Variants in FNBP1 observed in about 807,000 individuals in gnomAD.
FNBP1 encodes formin-binding protein 1.
In FNBP1, 26 loss-of-function variants were observed where a neutral mutation model predicts 90.6. The observed-to-expected ratio is 0.29, with a 90% CI of 0.21 to 0.40. The LOEUF (loss-of-function observed/expected upper bound fraction) is 0.40. Among genes scored for constraint, FNBP1 ranks in the 10% least tolerant of loss-of-function variants. The pLI is 1.00. For synonymous variants in FNBP1, 260 were observed against 265.2 expected, an observed-to-expected ratio of 0.98 and a Z score of 0.19; for missense variants, 635 against 768.0, an observed-to-expected ratio of 0.83 and a Z score of 2.05.
chr9:130,014,981 A>G (rs887329006), intron 1 of FNBP1, among the ~76,000 whole-genome samples: 2 of 152,128 alleles, frequency 1.3e-5, no homozygotes, highest in Non-Finnish European at 2.9e-5. Flanking sequence ...TCTTAAAAAA[A>G]AAAAAAATCC....
chr9:129,975,675 G>T (rs2050189371), intron 4 of FNBP1, among the ~76,000 whole-genome samples: 1 of 152,096 alleles, frequency 6.6e-6, no homozygotes, highest in Non-Finnish European at 1.5e-5. Context: ...GCCAAGACGG[G>T]TGGATCATTT....
At chr9:130,000,261 C>T (rs947067276) in intron 1 of FNBP1, among the ~76,000 whole-genome samples, 2 of 152,190 alleles carry the variant, frequency 1.3e-5, no homozygotes, top group African/African-American at 4.8e-5. Context: ...GAGGCAGAAG[C>T]AGGCGGGTCG....
At chr9:130,033,282 T>C (rs2058971574) in intron 1 of FNBP1, among the ~76,000 whole-genome samples, 1 of 152,182 alleles carries the variant, frequency 6.6e-6, no homozygotes, top group Admixed American at 6.5e-5. Flanking sequence ...ACTTGCCCGA[T>C]ACTAATAAAT....
intron 10 of FNBP1, among the ~76,000 whole-genome samples, chr9:129,922,002 T>C (rs924680562): frequency 7.2e-5 from 11 of 152,008 alleles, no homozygotes; most frequent in African/African-American, 2.4e-4. Flanking sequence ...GTAAAACTTA[T>C]GTTTGTACAA....
Position 129,927,330 on chromosome 9 carries a change from C to G in FNBP1, c.654G>C (p.Glu218Asp), listed in dbSNP as rs41279170. The G allele has an allele frequency of 6.2e-7, 1 of 1,611,390 alleles. No individual in the cohort carries two copies. Among genetic ancestry groups the G allele is most frequent in the Non-Finnish European group, 8.5e-7 (1 of 1,178,602 alleles). ...HIPNIFQKIQ[E>D]MEERRIVRMG... ...TTCTCACAATCCTCCTTTCCTCCAT[C>G]TCTTGTATTTTCTGCAACATTAGAT... The change falls in exon 8 of 17, where the codon GAG (glutamate) becomes GAC (aspartate). Residue 218 changes from glutamate (E) to aspartate (D), a missense_variant. Coordinates refer to ENST00000446176, the MANE Select transcript of FNBP1 (RefSeq NM_015033.3).
intron 1 of FNBP1, among the ~76,000 whole-genome samples, chr9:130,017,871 G>GTTT (rs373281834): frequency 5.3e-5 from 5 of 93,762 alleles, no homozygotes; most frequent in African/African-American, 2.1e-4. Context: ...GTCTAACGTG[G>GTTT]TTTTTTTTTT....
chr9:129,980,378 T>C lies in FNBP1; in HGVS notation c.141-1004A>G, dbSNP rs1437451853. Among the ~76,000 whole-genome samples, 4 of 143,654 alleles carry C rather than the reference T, an allele frequency of 2.8e-5. 1 individual carries two copies. The highest frequency in any genetic ancestry group is 1.0e-4 in the African/African-American group (4 of 39,452). 94.2% of individuals were successfully genotyped at this position (143,654 alleles called of 152,430 possible). ...TCCATCTCCAAAAAAAAAAAAAAAA[T>C]CAGAGTGCCAAGGGCATGTTTCTAA... On this transcript the variant is annotated intron_variant, in intron 2 of 16. Transcript: ENST00000446176.
intron 10 of FNBP1, chr9:129,919,284 T>G: frequency 9.5e-7 from 1 of 1,057,728 alleles, no homozygotes; most frequent in Non-Finnish European, 1.3e-6. Flanking sequence ...ATAAATAAAA[T>G]TAACCATAAG....
chr9:129,995,063 A>G, intron 1 of FNBP1, 105 bp from the exon 2 acceptor site: 1 of 666,150 alleles, frequency 1.5e-6, no homozygotes. Flanking sequence ...AAGTAGTACT[A>G]ATATTTTCCA....
intron 1 of FNBP1, among the ~76,000 whole-genome samples, chr9:129,995,436 CA>C (rs1406691132): frequency 6.6e-6 from 1 of 152,086 alleles, no homozygotes; most frequent in Non-Finnish European, 1.5e-5. Context: ...TTTATTCTTC[CA>C]AACATACACC....
At chr9:129,951,423 T>TATTC (rs1231057380) in intron 6 of FNBP1, among the ~76,000 whole-genome samples, 1 of 140,492 alleles carries the variant, frequency 7.1e-6, no homozygotes, top group Non-Finnish European at 1.5e-5. Context: ...AATTTCTATT[T>TATTC]ATTTATTTAT....
At chr9:129,977,788 G>A (rs1747801093) in intron 4 of FNBP1, among the ~76,000 whole-genome samples, 5 of 151,628 alleles carry the variant, frequency 3.3e-5, no homozygotes, top group South Asian at 2.1e-4. Flanking sequence ...CACCATGCCC[G>A]ACTGATAAGT....
chr9:129,925,038 G>A lies in FNBP1; in HGVS notation c.909C>T (p.Ser303=), dbSNP rs2041668542. The change falls in exon 9 of 17, where the codon TCC becomes TCT. Residue 303 remains serine, a synonymous_variant. Transcript: ENST00000446176. ...TGAGGTCTGGTTTGCCTTCTCCTCTGGAATTTGAAAGGCTGTTATCTGACA... is the reference window on the plus strand; with the variant it reads ...TGAGGTCTGGTTTGCCTTCTCCTCTAGAATTTGAAAGGCTGTTATCTGACA... ...RTVSDNSLSN[S]RGEGKPDLKF... 9 of 1,613,860 alleles carry A rather than the reference G, an allele frequency of 5.6e-6. No individual in the cohort carries two copies. The highest frequency in any genetic ancestry group is 7.6e-6 in the Non-Finnish European group (9 of 1,179,858).
At chr9:129,996,941 C>T (rs559726735) in intron 1 of FNBP1, among the ~76,000 whole-genome samples, 1 of 152,110 alleles carries the variant, frequency 6.6e-6, no homozygotes, top group East Asian at 2.0e-4. Context: ...GTGATCCTCC[C>T]GCCTTGGCAT....
intron 1 of FNBP1, among the ~76,000 whole-genome samples, chr9:130,001,324 C>A (rs201049795): frequency 5.7e-3 from 61 of 10,788 alleles, no homozygotes; most frequent in East Asian, 0.013. Context: ...AAAAACAAAA[C>A]AAAACAAAAA....
chr9:129,981,303 G>A (rs963643430), intron 2 of FNBP1, among the ~76,000 whole-genome samples: 1 of 152,052 alleles, frequency 6.6e-6, no homozygotes, highest in African/African-American at 2.4e-5. Flanking sequence ...TGGCCAGGCT[G>A]GCCTCAAACT....
intron 4 of FNBP1, among the ~76,000 whole-genome samples, chr9:129,975,482 T>C (rs2050159404): frequency 6.6e-6 from 1 of 152,174 alleles, no homozygotes; most frequent in Non-Finnish European, 1.5e-5. Flanking sequence ...TATAATTTAT[T>C]CCATAAATTA....
chr9:130,025,137 G>A (rs1043258408), intron 1 of FNBP1, among the ~76,000 whole-genome samples: 31 of 151,736 alleles, frequency 2.0e-4, no homozygotes, highest in Non-Finnish European at 1.3e-4. Flanking sequence ...TGGAGATCGC[G>A]CCACTGCACT....
chr9:129,965,708 G>GCGCACA (rs1554821703), intron 4 of FNBP1, among the ~76,000 whole-genome samples: 22 of 145,560 alleles, frequency 1.5e-4, no homozygotes, highest in Non-Finnish European at 3.0e-4. Context: ...GCGCGCGCGC[G>GCGCACA]CACACACACA....
Sources: gnomAD v4.1 joint callset for allele counts (sites outside exome capture counted in the v4.1 genomes callset) on GRCh38, gnomAD v4.1.1 for gene constraint, MANE v1.5 for transcripts, NCBI Gene and HGNC (gene_info 2026-07-23, HGNC 2026-07-21) for gene names.